PTCD3: variants seen among roughly 807,000 people sequenced by gnomAD.
PTCD3 encodes small ribosomal subunit protein mS39.
In PTCD3, 89 loss-of-function variants were observed where a neutral mutation model predicts 101.9. The ratio of observed to expected loss-of-function variants is 0.87; its 90% CI spans 0.74 to 1.04. The LOEUF (loss-of-function observed/expected upper bound fraction) is 1.04, where lower values mean the gene tolerates loss of function less well. Among genes scored for constraint, PTCD3 ranks in the 50% least tolerant of loss-of-function variants. PTCD3 has a pLI of 0.00. For missense variants in PTCD3, 870 were observed against 828.2 expected (o/e 1.05, Z -0.62); for synonymous variants, 296 against 278.5 (o/e 1.06, Z -0.63).
At chr2:86,108,692 A>C (rs1375151465) in intron 3 of PTCD3, 156 bp downstream of exon 3, 2 of 650,350 alleles carry the variant, frequency 3.1e-6, no homozygotes, top group Non-Finnish European at 5.1e-6. Flanking sequence ...TTAAAGGACA[A>C]AAAATGGAAA....
chr2:86,124,984 C>T lies in PTCD3; in HGVS notation c.717-11C>T, dbSNP rs1674356975. The T allele has an allele frequency of 6.2e-7, 1 of 1,613,518 alleles. No homozygotes were observed. Among genetic ancestry groups the T allele is most frequent in the Non-Finnish European group, 8.5e-7 (1 of 1,179,908 alleles). On this transcript the variant is annotated splice_polypyrimidine_tract_variant and intron_variant, in intron 9 of 23. Coordinates refer to ENST00000254630, the MANE Select transcript of PTCD3 (RefSeq NM_017952.6). ...TATTGCCTGGGTTCACATTTACTCT[C>T]TTGTGTCTAGAGCAAAAAACAACGC...
Position 86,140,779 on chromosome 2 carries a change from A to G in PTCD3, c.*3220A>G, listed in dbSNP as rs1674668391. 1 of 152,052 alleles carries G rather than the reference A, an allele frequency of 6.6e-6. No homozygotes were observed. Among genetic ancestry groups the G allele is most frequent in the Non-Finnish European group, 1.5e-5 (1 of 68,016 alleles). The allele number at this position is 152,052 out of a possible 1,614,324, so 9.4% of individuals were successfully genotyped here. A position where few individuals can be genotyped will look rare whatever the true frequency, so the allele number is the denominator to read the frequency against. On this transcript the variant is annotated 3_prime_UTR_variant, in exon 24 of 24. Transcript: ENST00000254630. ...TTCATCCTGGCCCAGGAAATAGCCT[A>G]TTAAAAAATGCTGTCCAGGCCAGGC... is the stretch of plus-strand genomic sequence containing the variant.
At chr2:86,123,620 C>T in intron 8 of PTCD3, 81 bp from the exon 9 acceptor site, 5 of 1,087,688 alleles carry the variant, frequency 4.6e-6, no homozygotes, top group Non-Finnish European at 6.6e-6. Flanking sequence ...TTCCCTTTGC[C>T]TTTCTGATTT....
chr2:86,136,732 G>T lies in PTCD3; in HGVS notation c.1820+170G>T, dbSNP rs7558040. ...AGGCAAGCAGTTTTTTATCTGTGTT[G>T]ACGGATCATCATACATTGGGGCTAC... On this transcript the variant is annotated intron_variant, in intron 22 of 23. Transcript: ENST00000254630. 17 of 829,812 alleles carry T rather than the reference G, an allele frequency of 2.0e-5. No individual in the cohort carries two copies. The Admixed American group carries it at 2.8e-4, about 13-fold the overall frequency. 51.4% of individuals were successfully genotyped at this position (829,812 alleles called of 1,614,324 possible).
In PTCD3 at chr2:86,122,367, T is replaced by C. The variant is rs75104385; in HGVS notation, c.654+773T>C. Among the ~76,000 whole-genome samples, 1,455 of 152,356 alleles carry C rather than the reference T, an allele frequency of 9.5e-3. 95 individuals carry two copies. The East Asian group carries it at 0.18, about 19-fold the overall frequency. Reference sequence around the variant, plus strand: ...CTGGGTGATGGGATTATTGGTGTTTTTCTTCGTTTCTATCTTTTCTACTCT... The same window carrying C: ...CTGGGTGATGGGATTATTGGTGTTTCTCTTCGTTTCTATCTTTTCTACTCT... On this transcript the variant is annotated intron_variant, in intron 8 of 23. Coordinates refer to ENST00000254630, the MANE Select transcript of PTCD3 (RefSeq NM_017952.6).
In PTCD3 at chr2:86,142,024, T is replaced by G. The variant is rs1674695500; in HGVS notation, c.*4465T>G. ...AGGCCTGGCCAAGCAGGGTCCCCTT[T>G]TCGGTATCATCTTTGTTCCTAATAA... On this transcript the variant is annotated 3_prime_UTR_variant, in exon 24 of 24. Coordinates refer to ENST00000254630, the MANE Select transcript of PTCD3 (RefSeq NM_017952.6). 1.3e-5 allele frequency: 2 copies of G among 148,452 alleles called. No individual in the cohort carries two copies. Among genetic ancestry groups the G allele is most frequent in the Admixed American group, 1.4e-4 (2 of 14,450 alleles). The allele number at this position is 148,452 out of a possible 1,614,324, so 9.2% of individuals were successfully genotyped here.
chr2:86,130,400 G>C (rs1674474447), intron 14 of PTCD3, among the ~76,000 whole-genome samples: 1 of 152,226 alleles, frequency 6.6e-6, no homozygotes, highest in African/African-American at 2.4e-5. Context: ...CATGTGAAGA[G>C]ACTAAAGGAA....
Position 86,137,713 on chromosome 2 carries a change from C to T in PTCD3, c.*154C>T, listed in dbSNP as rs1674614246. On this transcript the variant is annotated 3_prime_UTR_variant, in exon 24 of 24. Coordinates refer to ENST00000254630, the MANE Select transcript of PTCD3 (RefSeq NM_017952.6). ...TGAGGTACAGTCAGTACACAGCTGA[C>T]TTATGTAGATTTAAGCTGCTAATAT... 7 of 1,106,722 alleles carry T rather than the reference C, an allele frequency of 6.3e-6. No individual in the cohort carries two copies. The South Asian group carries it at 8.9e-5, about 14-fold the overall frequency. The allele number at this position is 1,106,722 out of a possible 1,614,324, so 68.6% of individuals were successfully genotyped here. A position where few individuals can be genotyped will look rare whatever the true frequency, so the allele number is the denominator to read the frequency against.
At chr2:86,129,225 T>G (rs1392093626) in intron 14 of PTCD3, among the ~76,000 whole-genome samples, 2 of 152,234 alleles carry the variant, frequency 1.3e-5, no homozygotes, top group Non-Finnish European at 2.9e-5. Context: ...GTATATTCCT[T>G]TCCTCTGTAA....
chr2:86,118,106 T>G (rs886727341), intron 6 of PTCD3, among the ~76,000 whole-genome samples: 1 of 152,220 alleles, frequency 6.6e-6, no homozygotes, highest in East Asian at 1.9e-4. Context: ...GGTATCTTTC[T>G]TAGATTTTTA....
At position 86,125,837 on chromosome 2, in the gene PTCD3, G is replaced by A; in HGVS notation, c.908G>A (p.Cys303Tyr). Residue 303 changes from cysteine (C) to tyrosine (Y), a missense_variant, in exon 12 of 24, where the codon TGT (cysteine) becomes TAT (tyrosine). Physicochemically the swap from Cys to Tyr is radical, Grantham distance 194. Coordinates refer to ENST00000254630, the MANE Select transcript of PTCD3 (RefSeq NM_017952.6). The stretch of plus-strand genomic sequence containing the variant: ...AATGCATTGATTGAAGCAACAGTAT[G>A]TGCGATAAATGAGAAATTTGAGGAA... ...TFNALIEATV[C>Y]AINEKFEEKW... is the part of the protein sequence containing the mutation. 2 of 1,609,766 alleles carry A rather than the reference G, an allele frequency of 1.2e-6. No individual in the cohort carries two copies. The highest frequency in any genetic ancestry group is 1.7e-6 in the Non-Finnish European group (2 of 1,176,120).
intron 22 of PTCD3, 81 bp from the exon 23 acceptor site, chr2:86,136,901 A>G: frequency 6.6e-7 from 1 of 1,503,940 alleles, no homozygotes; most frequent in Non-Finnish European, 9.1e-7. Flanking sequence ...GAATTCTGTT[A>G]CTGAACTTAC....
rs1481344553 is a variant in PTCD3 at position 86,136,529 on chromosome 2, T to C, written c.1787T>C (p.Leu596Ser). Residue 596 changes from leucine to serine, a missense_variant, in exon 22 of 24, where the codon TTG (leucine) becomes TCG (serine). Physicochemically the swap from Leu to Ser is moderately radical, Grantham distance 145. Transcript: ENST00000254630. ...AGRTQEAWKM[L>S]GLFRKHNKIP... ...TTTCCTTTCTTGAGCAGGAAAATGT[T>C]GGGGCTTTTCAGGAAGCATAATAAG... 1 of 1,611,924 alleles carries C rather than the reference T, an allele frequency of 6.2e-7. No individual in the cohort carries two copies. Among genetic ancestry groups the C allele is most frequent in the Non-Finnish European group, 8.5e-7 (1 of 1,177,964 alleles).
intron 17 of PTCD3, 117 bp from the exon 18 acceptor site, chr2:86,133,061 A>G (rs566328724): frequency 1.4e-6 from 2 of 1,444,266 alleles, no homozygotes; most frequent in African/African-American, 2.9e-5. Context: ...TTAACTTGAA[A>G]CTGTAAGTAT....
chr2:86,113,364 C>CT, intron 4 of PTCD3, among the ~76,000 whole-genome samples: 1 of 152,146 alleles, frequency 6.6e-6, no homozygotes. Context: ...TAACCAAAAA[C>CT]TTTTAATTTC....
At chr2:86,110,846 G>A in intron 3 of PTCD3, 1 of 672,344 alleles carries the variant, frequency 1.5e-6, no homozygotes, top group Non-Finnish European at 2.8e-6. Flanking sequence ...ATAGTTTTAT[G>A]AGGGCGGGAT....
chr2:86,120,946 T>G (rs17584697), intron 7 of PTCD3, among the ~76,000 whole-genome samples: 42,202 of 152,184 alleles, frequency 0.28, 7,099 homozygotes, highest in East Asian at 0.5. Flanking sequence ...TATCTCATAC[T>G]TGTCTTCCTC....
At chr2:86,119,965 C>G (rs1674252988) in intron 7 of PTCD3, among the ~76,000 whole-genome samples, 1 of 152,130 alleles carries the variant, frequency 6.6e-6, no homozygotes, top group South Asian at 2.1e-4. Flanking sequence ...TTTTTAGAAT[C>G]TAGAGTGCTA....
chr2:86,125,564 A>T, intron 11 of PTCD3, 49 bp downstream of exon 11: 2 of 1,533,854 alleles, frequency 1.3e-6, no homozygotes, highest in South Asian at 2.2e-5. Context: ...CCTTCTTTTA[A>T]TTGTCTGTGT....
Sources: allele counts gnomAD v4.1 joint callset (sites outside exome capture counted in the v4.1 genomes callset), GRCh38; gene constraint gnomAD v4.1.1; transcripts MANE v1.5; gene names NCBI Gene and HGNC (gene_info 2026-07-23, HGNC 2026-07-21).